The following TNRC6C variants were observed in gnomAD, a reference collection of about 807,000 sequenced individuals.
TNRC6C encodes trinucleotide repeat containing adaptor 6C, also known as trinucleotide repeat-containing gene 6C protein.
In TNRC6C, 20 loss-of-function variants were observed where a neutral mutation model predicts 153.7. The ratio of observed to expected loss-of-function variants is 0.13; its 90% CI spans 0.09 to 0.19. TNRC6C has a LOEUF of 0.19. TNRC6C is among the 10% of genes least tolerant of loss of function. The pLI is 1.00. For missense variants in TNRC6C, 1,987 were observed against 2,172.0 expected, an observed-to-expected ratio of 0.91 and a Z score of 1.69; for synonymous variants, 811 against 841.4, an observed-to-expected ratio of 0.96 and a Z score of 0.63.
chr17:77,989,419 T>A (rs987004441), intron 1 of TNRC6C, among the ~76,000 whole-genome samples: 2 of 152,230 alleles, frequency 1.3e-5, no homozygotes, highest in Non-Finnish European at 2.9e-5. Flanking sequence ...CTGGAAACTC[T>A]GAAAAGCAAC....
chr17:78,004,944 T>C (rs574438819), upstream of TNRC6C: 17 of 841,002 alleles, frequency 2.0e-5, no homozygotes, highest in South Asian at 3.1e-4. Flanking sequence ...AAAAACTCAT[T>C]TTTAAAATTT....
rs988498474 is a variant in TNRC6C at position 78,019,011 on chromosome 17, T to C, written c.-545-12505T>C. Among the ~76,000 whole-genome samples the C allele has an allele frequency of 5.3e-5, 8 of 152,146 alleles. 1 individual carries two copies. The highest frequency in any genetic ancestry group is 1.4e-4 in the African/African-American group (6 of 41,422). On this transcript the variant is annotated intron_variant, in intron 1 of 19. Coordinates refer to ENST00000301624, the Ensembl canonical transcript of TNRC6C. ...GCTCATTGCTGTTTCTGAGACTACATGTGGCAGTGTCAGGCGGTCTGGAAA... is the reference window on the plus strand; with the variant it reads ...GCTCATTGCTGTTTCTGAGACTACACGTGGCAGTGTCAGGCGGTCTGGAAA...
In TNRC6C at chr17:78,049,741, G is replaced by A. The variant is rs760114591; in HGVS notation, c.679G>A (p.Gly227Ser). ...CCCGCCCCACCTGCAAGGCCTTCCT[G>A]GTGCTAATGGATCATCAGTTTCTCA... Residue 227 changes from glycine (G) to serine (S), a missense_variant, in exon 3 of 20, where the codon GGT becomes AGT. Gly to Ser is a moderately conservative substitution (Grantham distance 56). Transcript: ENST00000301624. This position sits in a 1 kb window ranked among gnomAD's most constrained non-coding sequence, Gnocchi z 4.1. The A allele has an allele frequency of 2.5e-6, 4 of 1,591,092 alleles. No individual in the cohort carries two copies. Among genetic ancestry groups the A allele is most frequent in the Admixed American group, 1.7e-5 (1 of 58,758 alleles).
In TNRC6C at chr17:78,049,884, C is replaced by T; in HGVS notation, c.822C>T (p.Asn274=). 6.2e-7 allele frequency: 1 copy of T among 1,614,032 alleles called. No homozygotes were observed. Among genetic ancestry groups the T allele is most frequent in the Non-Finnish European group, 8.5e-7 (1 of 1,179,898 alleles). ...GTCAGGGGAATGGAGACACTGTGAACTCAGCATTAAGTGCTAAACAAAATG... is the reference window on the plus strand; with the variant it reads ...GTCAGGGGAATGGAGACACTGTGAATTCAGCATTAAGTGCTAAACAAAATG... The change falls in exon 3 of 20, where the codon AAC becomes AAT. Residue 274 remains asparagine (N), a synonymous_variant. Transcript: ENST00000301624. This position sits in a 1 kb window ranked among gnomAD's most constrained non-coding sequence, Gnocchi z 4.1.
chr17:78,049,584 A>G lies in TNRC6C; in HGVS notation c.522A>G (p.Ala174=), dbSNP rs780079961. The change falls in exon 3 of 20, where the codon GCA becomes GCG. Residue 174 remains alanine (A), a synonymous_variant. Transcript: ENST00000301624. The surrounding 1 kb of genome is among the most constrained non-coding windows in gnomAD (Gnocchi z 4.1). ...CTTCTCAGAATGTGTCTTTCAGCGC[A>G]CAACCTCAGAACCTTAACACTGATG... 6.2e-6 allele frequency: 10 copies of G among 1,613,866 alleles called. No homozygotes were observed. The highest frequency in any genetic ancestry group is 8.5e-6 in the Non-Finnish European group (10 of 1,179,908).
chr17:78,080,376 G>T (rs377643255), intron 10 of TNRC6C, among the ~76,000 whole-genome samples: 1 of 152,154 alleles, frequency 6.6e-6, no homozygotes, highest in Non-Finnish European at 1.5e-5. Flanking sequence ...ACCCGGGGAG[G>T]TGGAGATTGC....
At chr17:78,021,020 A>T (rs1393178979) in intron 1 of TNRC6C, among the ~76,000 whole-genome samples, 1 of 152,196 alleles carries the variant, frequency 6.6e-6, no homozygotes, top group African/African-American at 2.4e-5. Flanking sequence ...GTGCCTTCCT[A>T]CGGCAACCAA....
At chr17:77,990,345 A>C (rs2143061652) in intron 1 of TNRC6C, among the ~76,000 whole-genome samples, 1 of 152,338 alleles carries the variant, frequency 6.6e-6, no homozygotes, top group Middle Eastern at 3.4e-3. Flanking sequence ...TCCCTTGCTT[A>C]AAATTCTTCA....
chr17:78,050,276 A>G (rs778670893), exon 3 of TNRC6C: 11 of 1,547,448 alleles, frequency 7.1e-6, no homozygotes, highest in South Asian at 6.4e-5. Flanking sequence ...GGTTCTGGCA[A>G]CCACAATGAA....
rs188361362 is a variant in TNRC6C at position 78,018,167 on chromosome 17, G to A, written c.-546+13088G>A. ...TTTTGAGATGGAGTCTTGCTCTGTC[G>A]CCAGGCTGGAGTGCAGTGGCGCAGT... is the stretch of plus-strand genomic sequence containing the variant. On this transcript the variant is annotated intron_variant, in intron 1 of 19. Transcript: ENST00000301624. Among the ~76,000 whole-genome samples the A allele has an allele frequency of 4.6e-5, 7 of 151,892 alleles. No homozygotes were observed. In the East Asian group the frequency reaches 7.7e-4, roughly 17 times the overall value.
rs2073665766 is a variant in TNRC6C, at chr17:78,104,935, G to A, written c.*90G>A. ...CACAGACCCGCTGGAACCCAGCAGC[G>A]GCCGCCCTTTTGAGTACCTCTGTCC... is the stretch of plus-strand genomic sequence containing the variant. On this transcript the variant is annotated 3_prime_UTR_variant, in exon 20 of 20. Transcript: ENST00000301624. The surrounding 1 kb of genome is among the most constrained non-coding windows in gnomAD (Gnocchi z 6.2). 5.9e-6 allele frequency: 8 copies of A among 1,366,760 alleles called. No individual in the cohort carries two copies. The highest frequency in any genetic ancestry group is 6.6e-6 in the Non-Finnish European group (7 of 1,064,680). 84.7% of individuals were successfully genotyped at this position (1,366,760 alleles called of 1,614,324 possible).
At chr17:78,031,417 A>AT (rs2072071664) in intron 1 of TNRC6C, 99 bp from the exon 4 acceptor site, 2 of 927,418 alleles carry the variant, frequency 2.2e-6, no homozygotes, top group Non-Finnish European at 2.8e-6. Flanking sequence ...CTACATTGTC[A>AT]TTTTTTCTCA....
At chr17:78,070,582 C>T (rs1486482245) in intron 5 of TNRC6C, among the ~76,000 whole-genome samples, 1 of 151,796 alleles carries the variant, frequency 6.6e-6, no homozygotes, top group Non-Finnish European at 1.5e-5. Context: ...TTCCTTTTCT[C>T]TACCCTATGA....
At chr17:77,993,422 T>C (rs1278027678) in intron 1 of TNRC6C, among the ~76,000 whole-genome samples, 1 of 152,240 alleles carries the variant, frequency 6.6e-6, no homozygotes, top group Non-Finnish European at 1.5e-5. Flanking sequence ...CTTTGAATTT[T>C]AGTTTTTGAT....
chr17:77,971,652 C>G (rs1229704805), intron 1 of TNRC6C, among the ~76,000 whole-genome samples: 1 of 152,054 alleles, frequency 6.6e-6, no homozygotes, highest in East Asian at 1.9e-4. Context: ...ACAAACATTT[C>G]CAGAGATTAA....
At chr17:78,028,826 G>C (rs2143677117) in intron 1 of TNRC6C, among the ~76,000 whole-genome samples, 1 of 152,270 alleles carries the variant, frequency 6.6e-6, no homozygotes, top group African/African-American at 2.4e-5. Flanking sequence ...AAATTGAGTA[G>C]AAAACCAAAA....
chr17:78,077,914 A>G (rs1229040392), intron 9 of TNRC6C: 1 of 156,190 alleles, frequency 6.4e-6, no homozygotes, highest in Non-Finnish European at 1.4e-5. Flanking sequence ...CACTTTTCTC[A>G]TATAGACTCT....
chr17:78,009,737 T>C (rs2071589600), intron 1 of TNRC6C, among the ~76,000 whole-genome samples: 1 of 152,100 alleles, frequency 6.6e-6, no homozygotes, highest in Non-Finnish European at 1.5e-5. Context: ...GTATTTTTCA[T>C]AGAGACAGGG....
At chr17:78,090,777 A>G (rs745770217) in intron 13 of TNRC6C, among the ~76,000 whole-genome samples, 5 of 152,194 alleles carry the variant, frequency 3.3e-5, no homozygotes, top group Non-Finnish European at 7.4e-5. Context: ...CCCGCTGTCA[A>G]ATAGTTCAGT....
Sources: gnomAD v4.1 joint callset for allele counts (sites outside exome capture counted in the v4.1 genomes callset) on GRCh38, gnomAD v4.1.1 for gene constraint, Gnocchi (gnomAD v3.1) non-coding constraint, MANE v1.5 for transcripts, NCBI Gene and HGNC (gene_info 2026-07-23, HGNC 2026-07-21) for gene names.